The following GMFB variants were observed in gnomAD, a reference collection of about 807,000 sequenced individuals.
GMFB encodes GMF-beta.
Under a neutral mutation model 25.6 loss-of-function variants are expected in GMFB, and 13 were observed. That is an observed-to-expected ratio of 0.51 (90% CI 0.33 to 0.81). The LOEUF (loss-of-function observed/expected upper bound fraction) is 0.81, where lower values mean the gene tolerates loss of function less well. GMFB is among the 30% of genes least tolerant of loss of function. The probability of loss-of-function intolerance (pLI) is 0.02; values close to 1 mark genes in which losing one functional copy is unlikely to be tolerated. For missense variants in GMFB, 146 were observed against 175.4 expected, an observed-to-expected ratio of 0.83 and a Z score of 0.95; for synonymous variants, 57 against 56.9, an observed-to-expected ratio of 1.00 and a Z score of 0.00.
intron 4 of GMFB, 53 bp from the exon 5 acceptor site, chr14:54,481,009 C>A (rs750965291): frequency 3.6e-6 from 3 of 822,078 alleles, no homozygotes; most frequent in African/African-American, 1.8e-5. Context: ...AGGTATTTAC[C>A]AACACCTGGG....
chr14:54,480,650 A>G, intron 5 of GMFB: 2 of 377,322 alleles, frequency 5.3e-6, no homozygotes, highest in Non-Finnish European at 9.6e-6. Context: ...GTCAACAATT[A>G]CACGTCTAGA....
At chr14:54,488,885 G>T in intron 1 of GMFB, 40 bp downstream of exon 1, 2 of 1,541,042 alleles carry the variant, frequency 1.3e-6, no homozygotes, top group South Asian at 1.2e-5. Flanking sequence ...TGGCCGGCTC[G>T]CCCAGCCCTC....
intron 6 of GMFB, 169 bp downstream of exon 6, chr14:54,479,617 G>A (rs776933492): frequency 1.5e-4 from 71 of 481,626 alleles, no homozygotes; most frequent in South Asian, 4.8e-4. Context: ...TGGTTCAAAC[G>A]CTTCTATCTC....
chr14:54,486,248 CAAAAACAAAAACAA>C (rs1296979300), intron 1 of GMFB, among the ~76,000 whole-genome samples: 3 of 151,878 alleles, frequency 2.0e-5, no homozygotes, highest in East Asian at 1.9e-4. Context: ...GACTCCATCT[CAAAAACAAAAACAA>C]AAAAACAAAA....
intron 1 of GMFB, among the ~76,000 whole-genome samples, chr14:54,484,790 A>G (rs1212394715): frequency 6.6e-6 from 1 of 152,210 alleles, no homozygotes; most frequent in African/African-American, 2.4e-5. Context: ...TTAACAAAAT[A>G]CTAGAAAACC....
At position 54,483,440 on chromosome 14, in the gene GMFB, G is replaced by C; in HGVS notation, c.100+231C>G. Reference sequence around the variant, plus strand: ...GACCAAGACGACCGCCTTCTCCAGAGCTGTACAGGCAGCTGATAAAAGGAC... The same window carrying C: ...GACCAAGACGACCGCCTTCTCCAGACCTGTACAGGCAGCTGATAAAAGGAC... On this transcript the variant is annotated intron_variant, in intron 2 of 6. Transcript: ENST00000358056. 1.7e-5 allele frequency: 8 copies of C among 483,600 alleles called. No homozygotes were observed. The South Asian group carries it at 2.2e-4, about 13-fold the overall frequency. 30.0% of individuals were successfully genotyped at this position (483,600 alleles called of 1,614,324 possible).
chr14:54,483,087 A>G (rs1566497630), intron 2 of GMFB: 1 of 152,312 alleles, frequency 6.6e-6, no homozygotes, highest in African/African-American at 2.4e-5. Context: ...TTTCTAAATC[A>G]CTACCTACAT....
At chr14:54,480,095 T>G (rs1017541176) in intron 5 of GMFB, 1 of 391,552 alleles carries the variant, frequency 2.6e-6, no homozygotes, top group Non-Finnish European at 4.6e-6. Context: ...ATTCTAGACA[T>G]TTGTAGATCC....
rs192472698 is a variant in GMFB, at chr14:54,479,877, G to C, written c.284-18C>G. 1 of 1,458,962 alleles carries C rather than the reference G, an allele frequency of 6.9e-7. No homozygotes were observed. 90.4% of individuals were successfully genotyped at this position (1,458,962 alleles called of 1,614,324 possible). A position where few individuals can be genotyped will look rare whatever the true frequency, so the allele number is the denominator to read the frequency against. Reference sequence around the variant, plus strand: ...CTTACATCCTGGAAAAGAGAGATTAGTGTAGAAATGAGACACAGATTTTGA... The same window carrying C: ...CTTACATCCTGGAAAAGAGAGATTACTGTAGAAATGAGACACAGATTTTGA... On this transcript the variant is annotated intron_variant, in intron 5 of 6. Transcript: ENST00000358056.
rs867528244 is a variant in GMFB, at chr14:54,476,016, G to A, written c.*2072C>T. 2.6e-5 allele frequency: 4 copies of A among 152,006 alleles called. No homozygotes were observed. The highest frequency in any genetic ancestry group is 5.9e-5 in the Non-Finnish European group (4 of 67,930). 9.4% of individuals were successfully genotyped at this position (152,006 alleles called of 1,614,324 possible). On this transcript the variant is annotated 3_prime_UTR_variant, in exon 7 of 7. Coordinates refer to ENST00000358056, the MANE Select transcript of GMFB (RefSeq NM_004124.3). ...AATGTTTGAGAACATTTTAGAGCAC[G>A]GGATTTGTAAATTTCCCCATAGGAC...
At chr14:54,478,222 A>G in intron 6 of GMFB, 63 bp from the exon 7 acceptor site, 1 of 577,138 alleles carries the variant, frequency 1.7e-6, no homozygotes. Context: ...CAAATATTTG[A>G]ATTTTTTAAA....
At chr14:54,484,911 A>G (rs1394499381) in intron 1 of GMFB, among the ~76,000 whole-genome samples, 1 of 152,212 alleles carries the variant, frequency 6.6e-6, no homozygotes, top group Non-Finnish European at 1.5e-5. Context: ...CATTACATTA[A>G]CAGAATAACA....
At position 54,477,372 on chromosome 14, in the gene GMFB, G is replaced by C. The variant is rs1172499961; in HGVS notation, c.*716C>G. On this transcript the variant is annotated 3_prime_UTR_variant, in exon 7 of 7. Transcript: ENST00000358056. ...TTATAAATAAAGTGTTATTAACCTA[G>C]ATTCAAAACTGTCTAGAAATGACAT... The C allele has an allele frequency of 6.6e-6, 1 of 152,412 alleles. No individual in the cohort carries two copies. The highest frequency in any genetic ancestry group is 1.5e-5 in the Non-Finnish European group (1 of 67,878). 9.4% of individuals were successfully genotyped at this position (152,412 alleles called of 1,614,324 possible). A position where few individuals can be genotyped will look rare whatever the true frequency, so the allele number is the denominator to read the frequency against.
chr14:54,480,620 A>C (rs990543156), intron 5 of GMFB: 7 of 323,282 alleles, frequency 2.2e-5, no homozygotes, highest in African/African-American at 1.5e-4. Context: ...CAAAATCCTT[A>C]AAATACATGT....
rs557001043 is a variant in GMFB, at chr14:54,488,312, T to C, written c.3+613A>G. ...CCCAGAACCAACAAAACTAAAGTTA[T>C]TGACAATTACTTTAAGGCCCAGTGC... On this transcript the variant is annotated intron_variant, in intron 1 of 6. Coordinates refer to ENST00000358056, the MANE Select transcript of GMFB (RefSeq NM_004124.3). 9.2e-5 allele frequency among the ~76,000 whole-genome samples: 14 copies of C among 152,356 alleles called. No individual in the cohort carries two copies. In the South Asian group the frequency reaches 1.4e-3, roughly 16 times the overall value.
rs577969865 is a variant in GMFB at position 54,475,933 on chromosome 14, G to A, written c.*2155C>T. On this transcript the variant is annotated 3_prime_UTR_variant, in exon 7 of 7. Coordinates refer to ENST00000358056, the MANE Select transcript of GMFB (RefSeq NM_004124.3). Reference sequence around the variant, plus strand: ...TGGCAGAAAAAAAGACAGTAAATACGAAACATACTTGAAAAGAACAATGCA... The same window carrying A: ...TGGCAGAAAAAAAGACAGTAAATACAAAACATACTTGAAAAGAACAATGCA... 4.6e-5 allele frequency: 7 copies of A among 152,150 alleles called. No individual in the cohort carries two copies. The highest frequency in any genetic ancestry group is 8.8e-5 in the Non-Finnish European group (6 of 67,914). 9.4% of individuals were successfully genotyped at this position (152,150 alleles called of 1,614,324 possible). A position where few individuals can be genotyped will look rare whatever the true frequency, so the allele number is the denominator to read the frequency against.
At chr14:54,486,553 C>A (rs1266624129) in intron 1 of GMFB, among the ~76,000 whole-genome samples, 1 of 152,150 alleles carries the variant, frequency 6.6e-6, no homozygotes, top group Non-Finnish European at 1.5e-5. Context: ...TCTGCAAATT[C>A]TCCACTCAAC....
At position 54,475,843 on chromosome 14, in the gene GMFB, T is replaced by C. The variant is rs2031631890; in HGVS notation, c.*2245A>G. ...AGATTTAAGGCTGAATGGGAATGGT[T>C]GTACCAGAAAGATAACGGAATGTAA... is the stretch of plus-strand genomic sequence containing the variant. On this transcript the variant is annotated 3_prime_UTR_variant, in exon 7 of 7. Coordinates refer to ENST00000358056, the MANE Select transcript of GMFB (RefSeq NM_004124.3). 1 of 152,258 alleles carries C rather than the reference T, an allele frequency of 6.6e-6. No homozygotes were observed. The highest frequency in any genetic ancestry group is 2.4e-5 in the African/African-American group (1 of 41,422). The allele number at this position is 152,258 out of a possible 1,614,324, so 9.4% of individuals were successfully genotyped here.
chr14:54,484,765 T>A (rs902588315), intron 1 of GMFB, among the ~76,000 whole-genome samples: 2 of 151,926 alleles, frequency 1.3e-5, no homozygotes, highest in Admixed American at 6.6e-5. Flanking sequence ...TTGATGAACA[T>A]AGATGCAAAA....
Sources: gnomAD v4.1 joint callset for allele counts (sites outside exome capture counted in the v4.1 genomes callset) on GRCh38, gnomAD v4.1.1 for gene constraint, MANE v1.5 for transcripts, NCBI Gene and HGNC (gene_info 2026-07-23, HGNC 2026-07-21) for gene names.